Variants in TCF4 observed in about 807,000 individuals in gnomAD.
TCF4 encodes transcription factor 4, also known as SL3-3 enhancer factor 2.
A neutral mutation model predicts 82.1 loss-of-function variants in TCF4; 3 were observed. The ratio of observed to expected loss-of-function variants is 0.04; its 90% CI spans 0.02 to 0.09. The LOEUF (loss-of-function observed/expected upper bound fraction) is 0.09. Among genes scored for constraint, TCF4 ranks in the 10% least tolerant of loss-of-function variants. The pLI is 1.00. For synonymous variants in TCF4, 276 were observed against 309.6 expected, an observed-to-expected ratio of 0.89 and a Z score of 1.14; for missense variants, 518 against 852.7, an observed-to-expected ratio of 0.61 and a Z score of 4.89.
chr18:55,505,365 CAT>C (rs960535280), intron 3 of TCF4, among the ~76,000 whole-genome samples: 1 of 152,054 alleles, frequency 6.6e-6, no homozygotes. Flanking sequence ...ATAATAATGA[CAT>C]AATCATTAAT....
intron 14 of TCF4, among the ~76,000 whole-genome samples, chr18:55,256,397 G>T (rs1600369139): frequency 6.6e-6 from 1 of 152,168 alleles, no homozygotes; most frequent in African/African-American, 2.4e-5. Flanking sequence ...GGGCTGGGTA[G>T]TGCATATATG....
upstream of TCF4, among the ~76,000 whole-genome samples, chr18:55,593,299 A>G (rs777643104): frequency 9.9e-5 from 15 of 152,172 alleles, no homozygotes; most frequent in African/African-American, 3.6e-4. Flanking sequence ...AATACCTTAC[A>G]TGACTGGTTA....
intron 4 of TCF4, among the ~76,000 whole-genome samples, chr18:55,463,777 T>C (rs1023443908): frequency 1.3e-5 from 2 of 152,120 alleles, no homozygotes; most frequent in African/African-American, 2.4e-5. Flanking sequence ...AGACCAAACA[T>C]GTAACGAAGG....
intron 5 of TCF4, among the ~76,000 whole-genome samples, chr18:55,450,248 A>G (rs1416349890): frequency 1.3e-5 from 2 of 152,166 alleles, no homozygotes. Flanking sequence ...GAAAGCTTTA[A>G]ATGTTTTATC....
At chr18:55,447,296 CAAA>C (rs34577882) in intron 5 of TCF4, among the ~76,000 whole-genome samples, 80 of 144,102 alleles carry the variant, frequency 5.6e-4, no homozygotes, top group Middle Eastern at 3.5e-3. Flanking sequence ...GAGACCGTCT[CAAA>C]AAAAAAAAAA....
chr18:55,272,947 C>T (rs1013646522), intron 10 of TCF4, among the ~76,000 whole-genome samples: 12 of 152,144 alleles, frequency 7.9e-5, no homozygotes, highest in Non-Finnish European at 1.5e-4. Flanking sequence ...AGGACTGTTT[C>T]GCCCTGTAGT....
chr18:55,362,413 GGAAGGAAGGAAGGAAGGAAGGAA>G (rs1569191788), intron 6 of TCF4, among the ~76,000 whole-genome samples: 2 of 136,044 alleles, frequency 1.5e-5, no homozygotes, highest in African/African-American at 5.6e-5. Context: ...AAGGAAGGAA[GGAAGGAAGGAAGGAAGGAAGGAA>G]AAAAAAAAAG....
chr18:55,544,561 T>C lies in TCF4; in HGVS notation c.145+40719A>G, dbSNP rs149852798. On this transcript the variant is annotated intron_variant, in intron 3 of 19. Coordinates refer to ENST00000354452, the MANE Select transcript of TCF4 (RefSeq NM_001083962.2). Reference sequence around the variant, plus strand: ...CTCTTTTGAGGACCATTCTTCATTCTGACTTCTCGAAATTCTGTTTGTCTT... The same window carrying C: ...CTCTTTTGAGGACCATTCTTCATTCCGACTTCTCGAAATTCTGTTTGTCTT... 1.4e-4 allele frequency among the ~76,000 whole-genome samples: 21 copies of C among 152,340 alleles called. No individual in the cohort carries two copies. The East Asian group carries it at 4.0e-3, about 29-fold the overall frequency.
chr18:55,462,545 A>G (rs924915254), intron 4 of TCF4, among the ~76,000 whole-genome samples: 1 of 152,228 alleles, frequency 6.6e-6, no homozygotes, highest in African/African-American at 2.4e-5. Flanking sequence ...TCACCAATAT[A>G]TTCCTTGAGA....
rs77579347 is a variant in TCF4, at chr18:55,628,969, T to C, written c.286+2329A>G. Among the ~76,000 whole-genome samples, 266 of 152,300 alleles carry C rather than the reference T, an allele frequency of 1.7e-3. 1 individual carries two copies. Among genetic ancestry groups the C allele is most frequent in the African/African-American group, 6.2e-3 (256 of 41,550 alleles). On this transcript the variant is annotated intron_variant, in intron 2 of 20. Coordinates refer to the TCF4 transcript ENST00000398339. ...GACTTCAAAAGAATTGAGAACACAA[T>C]TGTTGCTAAATATTTCTTTATACAT... is the stretch of plus-strand genomic sequence containing the variant.
chr18:55,231,770 G>A (rs1333087063), intron 17 of TCF4: 1 of 152,196 alleles, frequency 6.6e-6, no homozygotes, highest in Non-Finnish European at 1.5e-5. Context: ...ATTCACAAAA[G>A]ATTCCAGATA....
intron 2 of TCF4, among the ~76,000 whole-genome samples, chr18:55,615,052 T>C (rs1485014622): frequency 1.3e-5 from 2 of 152,172 alleles, no homozygotes; most frequent in East Asian, 3.8e-4. Flanking sequence ...CTCTGTTCTT[T>C]GTCTGCATTG....
At chr18:55,437,557 G>C (rs1434047475) in intron 5 of TCF4, among the ~76,000 whole-genome samples, 3 of 152,112 alleles carry the variant, frequency 2.0e-5, no homozygotes. Context: ...AGTGAAAAAG[G>C]ATTTAAAAAT....
intron 3 of TCF4, chr18:55,482,954 C>G (rs1485415365): frequency 6.6e-6 from 1 of 152,174 alleles, no homozygotes; most frequent in Non-Finnish European, 1.5e-5. Context: ...AGTGTCTTGT[C>G]CTTCTCCTTC....
chr18:55,561,600 T>G (rs1274960763), intron 3 of TCF4, among the ~76,000 whole-genome samples: 1 of 152,232 alleles, frequency 6.6e-6, no homozygotes, highest in Non-Finnish European at 1.5e-5. Context: ...CCTGGTTCCA[T>G]AAAGAATCTA....
chr18:55,468,884 C>CT (rs1568136420), intron 3 of TCF4, among the ~76,000 whole-genome samples: 3 of 94,724 alleles, frequency 3.2e-5, no homozygotes, highest in East Asian at 6.5e-4. Context: ...AGTTCTCGCC[C>CT]CCCCCCCCCT....
intron 11 of TCF4, 164 bp downstream of exon 11, chr18:55,269,667 G>T: frequency 1.1e-6 from 1 of 936,694 alleles, no homozygotes; most frequent in Non-Finnish European, 1.6e-6. Context: ...TTATGCTCAA[G>T]CCAGTGATTT....
intron 4 of TCF4, among the ~76,000 whole-genome samples, 155 bp from the exon 5 acceptor site, chr18:55,461,270 G>C (rs915949940): frequency 6.6e-6 from 1 of 152,082 alleles, no homozygotes; most frequent in African/African-American, 2.4e-5. Flanking sequence ...CACTTTCACA[G>C]GTATAGTGGC....
intron 3 of TCF4, among the ~76,000 whole-genome samples, chr18:55,574,110 G>C (rs185921336): frequency 2.2e-4 from 33 of 152,172 alleles, no homozygotes; most frequent in African/African-American, 7.2e-4. Flanking sequence ...GACAACCTCT[G>C]ACACTAAATT....
Sources: gnomAD v4.1 joint callset for allele counts (sites outside exome capture counted in the v4.1 genomes callset) on GRCh38, gnomAD v4.1.1 for gene constraint, MANE v1.5 for transcripts, NCBI Gene and HGNC (gene_info 2026-07-23, HGNC 2026-07-21) for gene names.